NIBAN1: variants seen among roughly 807,000 people sequenced by gnomAD.
NIBAN1 encodes protein Niban 1.
A neutral mutation model predicts 75.1 loss-of-function variants in NIBAN1; 81 were observed. The observed-to-expected ratio is 1.08, with a 90% CI of 0.90 to 1.30. NIBAN1 has a LOEUF of 1.30. Among genes scored for constraint, NIBAN1 ranks in the 50% most tolerant of loss-of-function variants. The probability of loss-of-function intolerance (pLI) is 0.00; values close to 1 mark genes in which losing one functional copy is unlikely to be tolerated. For synonymous variants in NIBAN1, 436 were observed against 424.8 expected (o/e 1.03, Z -0.32); for missense variants, 1,133 against 1,128.1 (o/e 1.00, Z -0.06).
rs1331556450 is a variant in NIBAN1 at position 184,894,086 on chromosome 1, C to A, written c.307G>T (p.Glu103Ter). The change falls in exon 3 of 14, where the codon GAG (glutamate) becomes TAG (stop). Residue 103 changes from glutamate to a stop codon, truncating the protein, a stop_gained. Coordinates refer to ENST00000367511, the MANE Select transcript of NIBAN1 (RefSeq NM_052966.4). LOFTEE classifies it high-confidence loss of function. ...VKNDYAVESY[E>*]NKEAYQRGAA... ...AAGAAGTGTCTTACCTCTTTATTCT[C>A]ATAGCTCTCCACAGCATAATCATTT... The A allele has an allele frequency of 6.2e-7, 1 of 1,604,896 alleles. No individual in the cohort carries two copies. The highest frequency in any genetic ancestry group is 8.5e-7 in the Non-Finnish European group (1 of 1,176,932).
At chr1:184,929,417 G>A (rs1657765653) in intron 1 of NIBAN1, among the ~76,000 whole-genome samples, 1 of 152,062 alleles carries the variant, frequency 6.6e-6, no homozygotes, top group Non-Finnish European at 1.5e-5. Flanking sequence ...CTATTCAAAT[G>A]TTCAAGTACC....
At chr1:184,797,078 C>A (rs1474970295) in intron 13 of NIBAN1, among the ~76,000 whole-genome samples, 3 of 151,472 alleles carry the variant, frequency 2.0e-5, no homozygotes, top group Admixed American at 6.6e-5. Flanking sequence ...ATACTCAAGA[C>A]CTTCCAAAAG....
intron 5 of NIBAN1, among the ~76,000 whole-genome samples, chr1:184,862,831 TTTC>T (rs1203956157): frequency 2.0e-5 from 2 of 99,804 alleles, no homozygotes; most frequent in East Asian, 2.9e-4. Context: ...CAGTTTTTCT[TTTC>T]TTTTTTTTTT....
chr1:184,854,259 G>A (rs1214772920), intron 5 of NIBAN1, among the ~76,000 whole-genome samples: 1 of 152,108 alleles, frequency 6.6e-6, no homozygotes, highest in Non-Finnish European at 1.5e-5. Flanking sequence ...TTGGGGCAGA[G>A]GAGGAGGCAA....
At chr1:184,852,786 G>A (rs576023832) in intron 5 of NIBAN1, among the ~76,000 whole-genome samples, 69 of 152,100 alleles carry the variant, frequency 4.5e-4, no homozygotes, top group African/African-American at 1.0e-3. Flanking sequence ...CTTTCTCTCC[G>A]TCTGCCTGTC....
intron 6 of NIBAN1, among the ~76,000 whole-genome samples, chr1:184,831,476 GT>G (rs1384310040): frequency 6.6e-6 from 1 of 152,198 alleles, no homozygotes; most frequent in Non-Finnish European, 1.5e-5. Flanking sequence ...TGAAGTCCAA[GT>G]TTGCGGACCC....
rs1400379013 is a variant in NIBAN1 at position 184,926,173 on chromosome 1, A to G, written c.56-26864T>C. On this transcript the variant is annotated intron_variant, in intron 1 of 13. Transcript: ENST00000367511. ...ATGTCATGCTACTTTCTTCTGGCCT[A>G]CAAGGTTTCCACTAAGAAGTCTGCT... is the stretch of plus-strand genomic sequence containing the variant. Among the ~76,000 whole-genome samples the G allele has an allele frequency of 3.3e-5, 5 of 152,130 alleles. No homozygotes were observed. The East Asian group carries it at 5.8e-4, about 18-fold the overall frequency.
chr1:184,859,519 G>T (rs1655761585), intron 5 of NIBAN1, among the ~76,000 whole-genome samples: 1 of 152,122 alleles, frequency 6.6e-6, no homozygotes, highest in Admixed American at 6.5e-5. Context: ...ACTGGGTTCA[G>T]AGAACACAAG....
intron 1 of NIBAN1, among the ~76,000 whole-genome samples, chr1:184,911,863 T>C (rs941461493): frequency 3.9e-5 from 6 of 152,164 alleles, no homozygotes; most frequent in Admixed American, 3.3e-4. Flanking sequence ...GTGAATAATA[T>C]ATATACCTAC....
intron 1 of NIBAN1, among the ~76,000 whole-genome samples, chr1:184,947,912 T>A (rs1340714700): frequency 6.6e-6 from 1 of 152,236 alleles, no homozygotes; most frequent in Non-Finnish European, 1.5e-5. Flanking sequence ...CATGAAGTTA[T>A]CTTTAATGAC....
chr1:184,799,493 C>A (rs1236696081), intron 12 of NIBAN1, among the ~76,000 whole-genome samples: 3 of 149,542 alleles, frequency 2.0e-5, no homozygotes, highest in Non-Finnish European at 4.4e-5. Context: ...AATAGTGCCA[C>A]AATAAACATA....
At chr1:184,947,534 A>G (rs1347515832) in intron 1 of NIBAN1, among the ~76,000 whole-genome samples, 2 of 152,218 alleles carry the variant, frequency 1.3e-5, no homozygotes, top group Non-Finnish European at 2.9e-5. Flanking sequence ...GTTTAACATG[A>G]TAAATATGTA....
intron 5 of NIBAN1, among the ~76,000 whole-genome samples, chr1:184,867,687 T>C (rs112378887): frequency 0.013 from 2,027 of 152,354 alleles, 45 homozygotes; most frequent in African/African-American, 0.046. Flanking sequence ...ATCTATTTTC[T>C]ATTTCTTTTA....
At chr1:184,846,014 G>A (rs1415400213) in intron 5 of NIBAN1, among the ~76,000 whole-genome samples, 1 of 85,700 alleles carries the variant, frequency 1.2e-5, no homozygotes, top group Non-Finnish European at 2.4e-5. Context: ...AGCAGTCTGA[G>A]ATCAAACTGC....
intron 5 of NIBAN1, among the ~76,000 whole-genome samples, chr1:184,867,513 CT>C (rs1447318472): frequency 6.6e-6 from 1 of 152,162 alleles, no homozygotes; most frequent in Non-Finnish European, 1.5e-5. Context: ...ATATCTTCAA[CT>C]ATTATCCTCC....
At chr1:184,940,023 A>G (rs1242075257) in intron 1 of NIBAN1, among the ~76,000 whole-genome samples, 4 of 152,330 alleles carry the variant, frequency 2.6e-5, no homozygotes, top group Admixed American at 2.6e-4. Context: ...GCAGATGGTG[A>G]TTCTGAATTT....
At chr1:184,933,486 G>A (rs1657877898) in intron 1 of NIBAN1, among the ~76,000 whole-genome samples, 1 of 152,146 alleles carries the variant, frequency 6.6e-6, no homozygotes, top group East Asian at 1.9e-4. Context: ...CCCCTACTAT[G>A]AATCAGGGAT....
At chr1:184,865,942 A>G (rs1402273722) in intron 5 of NIBAN1, among the ~76,000 whole-genome samples, 1 of 152,220 alleles carries the variant, frequency 6.6e-6, no homozygotes, top group Admixed American at 6.5e-5. Context: ...TTTGCTGTTA[A>G]CAAGTAAAAT....
chr1:184,826,061 G>A (rs921492769), intron 6 of NIBAN1, among the ~76,000 whole-genome samples: 1 of 152,162 alleles, frequency 6.6e-6, no homozygotes, highest in African/African-American at 2.4e-5. Flanking sequence ...AAGGTGTAAC[G>A]CTTTCACTGA....
Sources: gnomAD v4.1 joint callset for allele counts (sites outside exome capture counted in the v4.1 genomes callset) on GRCh38, gnomAD v4.1.1 for gene constraint, MANE v1.5 for transcripts, NCBI Gene and HGNC (gene_info 2026-07-23, HGNC 2026-07-21) for gene names.